Variants in PPP1R9A observed in about 807,000 individuals in gnomAD.
PPP1R9A encodes neurabin-1.
PPP1R9A carries 59 observed loss-of-function variants against 141.9 expected under a neutral mutation model. The ratio of observed to expected loss-of-function variants is 0.42; its 90% CI spans 0.34 to 0.52. The LOEUF (loss-of-function observed/expected upper bound fraction) is 0.52. Among genes scored for constraint, PPP1R9A ranks in the 20% least tolerant of loss-of-function variants. The probability of loss-of-function intolerance (pLI) is 0.10; values close to 1 mark genes in which losing one functional copy is unlikely to be tolerated. For missense variants in PPP1R9A, 1,444 were observed against 1,611.9 expected, an observed-to-expected ratio of 0.90 and a Z score of 1.78; for synonymous variants, 500 against 569.7, an observed-to-expected ratio of 0.88 and a Z score of 1.74.
At chr7:95,148,920 G>A (rs1482584210) in intron 4 of PPP1R9A, among the ~76,000 whole-genome samples, 2 of 150,516 alleles carry the variant, frequency 1.3e-5, no homozygotes, top group African/African-American at 4.9e-5. Flanking sequence ...GTAAACTATA[G>A]ATTAATATCT....
intron 7 of PPP1R9A, among the ~76,000 whole-genome samples, chr7:95,224,831 A>T (rs1794925387): frequency 6.6e-6 from 1 of 152,078 alleles, no homozygotes; most frequent in African/African-American, 2.4e-5. Flanking sequence ...ATCATTCAGT[A>T]CACCGTTCAT....
chr7:95,154,379 G>A (rs530722298), intron 4 of PPP1R9A, among the ~76,000 whole-genome samples: 4 of 152,186 alleles, frequency 2.6e-5, no homozygotes, highest in Admixed American at 6.5e-5. Flanking sequence ...GGTCTGAGAA[G>A]ATAGTTGATG....
chr7:95,097,068 C>T (rs986740992), intron 2 of PPP1R9A, among the ~76,000 whole-genome samples: 4 of 151,978 alleles, frequency 2.6e-5, no homozygotes, highest in African/African-American at 9.7e-5. Flanking sequence ...TTCCTGTCAC[C>T]CAGTCTGGAG....
At chr7:95,187,289 C>G (rs992437247) in intron 5 of PPP1R9A, among the ~76,000 whole-genome samples, 2 of 151,996 alleles carry the variant, frequency 1.3e-5, no homozygotes, top group Admixed American at 1.3e-4. Flanking sequence ...TCTAGATTTT[C>G]TAGATTCATG....
chr7:95,003,774 T>C (rs1185989662), intron 2 of PPP1R9A, among the ~76,000 whole-genome samples: 1 of 152,186 alleles, frequency 6.6e-6, no homozygotes, highest in Non-Finnish European at 1.5e-5. Flanking sequence ...GCATGGTTAA[T>C]TGGATTCCTT....
At chr7:94,946,969 T>C (rs923469804) in intron 2 of PPP1R9A, among the ~76,000 whole-genome samples, 3 of 152,206 alleles carry the variant, frequency 2.0e-5, no homozygotes, top group African/African-American at 7.2e-5. Context: ...CACTTTCTTA[T>C]GAATTTTGCA....
chr7:95,208,503 T>G (rs180839589), intron 7 of PPP1R9A, among the ~76,000 whole-genome samples: 181 of 152,248 alleles, frequency 1.2e-3, no homozygotes, highest in African/African-American at 4.3e-3. Context: ...GGCAGGTGGA[T>G]CACGAGGTCA....
At chr7:95,037,811 G>A (rs1477167566) in intron 2 of PPP1R9A, among the ~76,000 whole-genome samples, 1 of 152,104 alleles carries the variant, frequency 6.6e-6, no homozygotes, top group Non-Finnish European at 1.5e-5. Context: ...GATCAAGGAA[G>A]TTGTTAATCT....
intron 8 of PPP1R9A, among the ~76,000 whole-genome samples, chr7:95,234,551 A>G (rs1466444340): frequency 6.6e-6 from 1 of 152,212 alleles, no homozygotes; most frequent in Non-Finnish European, 1.5e-5. Flanking sequence ...ATGGAAACAC[A>G]TTCCATGCTC....
chr7:94,984,374 T>C (rs1274606969), intron 2 of PPP1R9A, among the ~76,000 whole-genome samples: 1 of 152,196 alleles, frequency 6.6e-6, no homozygotes, highest in Non-Finnish European at 1.5e-5. Context: ...TTCTCTCTTT[T>C]TCTATTGATT....
intron 3 of PPP1R9A, among the ~76,000 whole-genome samples, chr7:95,112,807 T>G (rs145707315): frequency 1.3e-5 from 2 of 152,122 alleles, no homozygotes; most frequent in African/African-American, 4.8e-5. Flanking sequence ...TATCCCTACA[T>G]GAAATAACTC....
At chr7:95,287,284 G>T (rs1421099158) in intron 18 of PPP1R9A, 4 of 993,204 alleles carry the variant, frequency 4.0e-6, no homozygotes, top group African/African-American at 3.2e-5. Flanking sequence ...TTTACTCTCT[G>T]CCTTTGTCAT....
At position 95,129,036 on chromosome 7, in the gene PPP1R9A, AGCTAGGG is replaced by A. The variant is rs1367755574; in HGVS notation, c.1649+8206_1649+8212del. ...GAGTTAAATTTTTATATACAGTGAA[AGCTAGGG>A]GTCCAGTTGCATTCTTCTGAGCATG... is the stretch of plus-strand genomic sequence containing the variant. On this transcript the variant is annotated intron_variant, in intron 4 of 19. Transcript: ENST00000433360. Among the ~76,000 whole-genome samples the A allele has an allele frequency of 4.6e-5, 7 of 152,300 alleles. No homozygotes were observed. The East Asian group carries it at 1.4e-3, about 29-fold the overall frequency.
intron 2 of PPP1R9A, among the ~76,000 whole-genome samples, chr7:95,089,720 C>T (rs993018561): frequency 1.6e-5 from 2 of 126,024 alleles, no homozygotes; most frequent in African/African-American, 5.4e-5. Context: ...TTTAGAAGCT[C>T]GTTTTTTTTT....
At chr7:95,050,369 C>A (rs1810626465) in intron 2 of PPP1R9A, among the ~76,000 whole-genome samples, 1 of 152,100 alleles carries the variant, frequency 6.6e-6, no homozygotes, top group Admixed American at 6.6e-5. Context: ...GATAATACTC[C>A]TTTATCTGAT....
intron 2 of PPP1R9A, among the ~76,000 whole-genome samples, chr7:94,921,209 G>C (rs961647806): frequency 1.3e-5 from 2 of 152,114 alleles, no homozygotes; most frequent in African/African-American, 2.4e-5. Context: ...CACTTTGGGA[G>C]GCTGTGGCGG....
intron 2 of PPP1R9A, among the ~76,000 whole-genome samples, chr7:94,960,975 G>T (rs949323335): frequency 9.9e-5 from 15 of 151,534 alleles, no homozygotes; most frequent in African/African-American, 3.4e-4. Flanking sequence ...CCATTTATTG[G>T]CAGGGAAGAT....
At position 95,122,146 on chromosome 7, in the gene PPP1R9A, A is replaced by ATTTTTT. The variant is rs1273220292; in HGVS notation, c.1649+1327_1649+1332dup. ...AATCTGTGAGGAGACCCAGAGCACC[A>ATTTTTT]TTTTTTTTTTTTTTTTTTGAGATGG... On this transcript the variant is annotated intron_variant, in intron 4 of 19. Transcript: ENST00000433360. Among the ~76,000 whole-genome samples, 96 of 133,894 alleles carry ATTTTTT rather than the reference A, an allele frequency of 7.2e-4. 3 individuals are homozygous for ATTTTTT. Among genetic ancestry groups the ATTTTTT allele is most frequent in the African/African-American group, 2.6e-3 (92 of 36,054 alleles). 87.8% of individuals were successfully genotyped at this position (133,894 alleles called of 152,430 possible). A position where few individuals can be genotyped will look rare whatever the true frequency, so the allele number is the denominator to read the frequency against.
chr7:95,073,107 TC>T (rs1199251492), intron 2 of PPP1R9A, among the ~76,000 whole-genome samples: 1 of 149,924 alleles, frequency 6.7e-6, no homozygotes, highest in Non-Finnish European at 1.5e-5. Flanking sequence ...TGCCTTATCC[TC>T]CTGAGTTTCT....
Sources: allele counts gnomAD v4.1 joint callset (sites outside exome capture counted in the v4.1 genomes callset), GRCh38; gene constraint gnomAD v4.1.1; transcripts MANE v1.5; gene names NCBI Gene and HGNC (gene_info 2026-07-23, HGNC 2026-07-21).